Variants in CLSTN2 observed in about 807,000 individuals in gnomAD.
CLSTN2 encodes the protein calsyntenin 2, also known as calsyntenin-2.
Under a neutral mutation model 101.2 loss-of-function variants are expected in CLSTN2, and 48 were observed. The observed-to-expected ratio is 0.47, with a 90% CI of 0.38 to 0.60. The LOEUF is 0.60. Among genes scored for constraint, CLSTN2 ranks in the 20% least tolerant of loss-of-function variants. The probability of loss-of-function intolerance (pLI) is 0.00; values close to 1 mark genes in which losing one functional copy is unlikely to be tolerated. For synonymous variants in CLSTN2, 481 were observed against 463.6 expected (o/e 1.04, Z -0.48); for missense variants, 1,160 against 1,238.2 (o/e 0.94, Z 0.95).
In CLSTN2 at chr3:140,478,333, G is replaced by GA. The variant is rs58667320; in HGVS notation, c.1344+11620dup. On this transcript the variant is annotated intron_variant, in intron 8 of 16. Coordinates refer to ENST00000458420, the MANE Select transcript of CLSTN2 (RefSeq NM_022131.3). Reference sequence around the variant, plus strand: ...TACCATCTGAGGATGAAAACATCCAGAAAAAAAAAAAAAAAAAAGCTGTCC... The same window carrying GA: ...TACCATCTGAGGATGAAAACATCCAGAAAAAAAAAAAAAAAAAAAGCTGTCC... Among the ~76,000 whole-genome samples the GA allele has an allele frequency of 3.1e-3, 346 of 112,566 alleles. 2 individuals are homozygous for GA. The Middle Eastern group carries it at 0.064, about 21-fold the overall frequency. 73.8% of individuals were successfully genotyped at this position (112,566 alleles called of 152,430 possible).
chr3:139,942,142 G>T (rs1935142486), intron 1 of CLSTN2, among the ~76,000 whole-genome samples: 1 of 152,176 alleles, frequency 6.6e-6, no homozygotes, highest in African/African-American at 2.4e-5. Flanking sequence ...AGGCTCTGCT[G>T]CCCTGGAAGG....
At chr3:140,102,042 T>G (rs1576427345) in intron 1 of CLSTN2, among the ~76,000 whole-genome samples, 1 of 152,346 alleles carries the variant, frequency 6.6e-6, no homozygotes, top group East Asian at 1.9e-4. Flanking sequence ...TGAGGATTTC[T>G]TAGTTCAAAT....
chr3:140,316,893 A>C (rs1349110012), intron 2 of CLSTN2, among the ~76,000 whole-genome samples: 2 of 151,822 alleles, frequency 1.3e-5, no homozygotes, highest in Non-Finnish European at 2.9e-5. Flanking sequence ...TCATCAAACT[A>C]CTCCAAGTTT....
At chr3:140,385,402 G>A (rs549798070) in intron 2 of CLSTN2, among the ~76,000 whole-genome samples, 12 of 125,632 alleles carry the variant, frequency 9.6e-5, no homozygotes, top group African/African-American at 3.4e-4. Context: ...ATGGCGTCTC[G>A]CTGTCGCCCA....
chr3:140,062,649 T>A (rs781331331), intron 1 of CLSTN2, among the ~76,000 whole-genome samples: 15 of 152,216 alleles, frequency 9.9e-5, no homozygotes, highest in Non-Finnish European at 1.9e-4. Flanking sequence ...AAAGTCCCTC[T>A]CCCAGAGCTG....
chr3:140,365,989 C>A (rs1167331950), intron 2 of CLSTN2, among the ~76,000 whole-genome samples: 4 of 152,136 alleles, frequency 2.6e-5, no homozygotes, highest in Admixed American at 6.5e-5. Flanking sequence ...AGGGGGCTGG[C>A]ACTTGCTGGG....
chr3:140,213,303 C>A (rs1014039737), intron 2 of CLSTN2, among the ~76,000 whole-genome samples: 1 of 151,980 alleles, frequency 6.6e-6, no homozygotes, highest in Non-Finnish European at 1.5e-5. Flanking sequence ...CCACATATTA[C>A]CCAAAGAAAA....
chr3:140,496,813 A>C (rs1396798363), intron 8 of CLSTN2, among the ~76,000 whole-genome samples: 1 of 152,104 alleles, frequency 6.6e-6, no homozygotes, highest in East Asian at 1.9e-4. Flanking sequence ...TACTTAAACA[A>C]GCAGTCTAGC....
intron 2 of CLSTN2, among the ~76,000 whole-genome samples, chr3:140,308,089 G>T (rs2087132171): frequency 6.6e-6 from 1 of 152,110 alleles, no homozygotes; most frequent in South Asian, 2.1e-4. Context: ...GCTGAACGTT[G>T]AACCTTAGGG....
chr3:140,115,692 T>C (rs1215201889), intron 1 of CLSTN2, among the ~76,000 whole-genome samples: 1 of 152,218 alleles, frequency 6.6e-6, no homozygotes, highest in East Asian at 1.9e-4. Flanking sequence ...ACCAAAGCCA[T>C]GTCCTCTTCA....
intron 1 of CLSTN2, among the ~76,000 whole-genome samples, chr3:140,009,177 A>T (rs1576395432): frequency 6.6e-6 from 1 of 152,300 alleles, no homozygotes; most frequent in East Asian, 1.9e-4. Context: ...CATAGGAGGA[A>T]TATTTCCTAT....
chr3:140,377,970 ATTTTT>A (rs903735078), intron 2 of CLSTN2, among the ~76,000 whole-genome samples: 5 of 152,100 alleles, frequency 3.3e-5, no homozygotes, highest in Non-Finnish European at 7.4e-5. Flanking sequence ...TTTACACCAT[ATTTTT>A]ACTGAGCCTT....
chr3:140,191,747 TC>T (rs1357466457), intron 2 of CLSTN2, among the ~76,000 whole-genome samples: 3 of 151,988 alleles, frequency 2.0e-5, no homozygotes. Flanking sequence ...GCCAGTTTGC[TC>T]CTCATGTTGA....
intron 7 of CLSTN2, among the ~76,000 whole-genome samples, chr3:140,459,990 A>G (rs1181100807): frequency 1.3e-5 from 2 of 152,206 alleles, no homozygotes; most frequent in African/African-American, 4.8e-5. Flanking sequence ...AAGTAGGGGT[A>G]CAGACACAAA....
At position 140,421,135 on chromosome 3, in the gene CLSTN2, G is replaced by A. The variant is rs541510853; in HGVS notation, c.648G>A (p.Arg216=). ...ATCTCTGTTCCTCAGGCAACATCAGGAACACTGAGAAGCTGAGCTATGACA... is the reference window on the plus strand; with the variant it reads ...ATCTCTGTTCCTCAGGCAACATCAGAAACACTGAGAAGCTGAGCTATGACA... The part of the protein sequence containing the change: ...PFAIDRNGNI[R]NTEKLSYDKQ... Residue 216 remains arginine, a synonymous_variant, in exon 5 of 17, where the codon AGG becomes AGA. Coordinates refer to ENST00000458420, the MANE Select transcript of CLSTN2 (RefSeq NM_022131.3). 1,190 of 1,613,830 alleles carry A rather than the reference G, an allele frequency of 7.4e-4. 24 individuals are homozygous for A. The South Asian group carries it at 0.012, about 16-fold the overall frequency.
chr3:140,281,673 G>A (rs2086848718), intron 2 of CLSTN2, among the ~76,000 whole-genome samples: 1 of 152,110 alleles, frequency 6.6e-6, no homozygotes, highest in South Asian at 2.1e-4. Flanking sequence ...CTGATTAGAA[G>A]CATCAAGTTT....
chr3:140,243,569 C>T (rs2086489612), intron 2 of CLSTN2, among the ~76,000 whole-genome samples: 1 of 152,158 alleles, frequency 6.6e-6, no homozygotes, highest in African/African-American at 2.4e-5. Context: ...CTGTGGCTGT[C>T]CATACATAGT....
At chr3:140,166,969 C>T (rs1466931232) in intron 1 of CLSTN2, among the ~76,000 whole-genome samples, 1 of 152,172 alleles carries the variant, frequency 6.6e-6, no homozygotes, top group Non-Finnish European at 1.5e-5. Context: ...ACTAACCTCG[C>T]TCTGTTGGAA....
chr3:140,218,471 A>T (rs1044610500), intron 2 of CLSTN2, among the ~76,000 whole-genome samples: 1 of 152,152 alleles, frequency 6.6e-6, no homozygotes, highest in African/African-American at 2.4e-5. Context: ...AGAAAGTGAG[A>T]TAGCAGGTTG....
Sources: allele counts gnomAD v4.1 joint callset (sites outside exome capture counted in the v4.1 genomes callset), GRCh38; gene constraint gnomAD v4.1.1; transcripts MANE v1.5; gene names NCBI Gene and HGNC (gene_info 2026-07-23, HGNC 2026-07-21).